Variants in TXNDC9 observed in about 807,000 individuals in gnomAD.
TXNDC9 encodes thioredoxin domain containing 9, also known as thioredoxin domain-containing protein 9.
TXNDC9 carries 7 observed loss-of-function variants against 23.0 expected under a neutral mutation model. That is an observed-to-expected ratio of 0.30 (90% CI 0.17 to 0.57). TXNDC9 has a LOEUF of 0.57. Among genes scored for constraint, TXNDC9 ranks in the 20% least tolerant of loss-of-function variants. TXNDC9 has a pLI of 0.90. For synonymous variants in TXNDC9, 72 were observed against 90.6 expected, an observed-to-expected ratio of 0.79 and a Z score of 1.17; for missense variants, 198 against 252.6, an observed-to-expected ratio of 0.78 and a Z score of 1.47.
chr2:99,308,369 G>T, the TXNDC9 span, among the ~76,000 whole-genome samples: 1 of 152,188 alleles, frequency 6.6e-6, no homozygotes, highest in Non-Finnish European at 1.5e-5. Flanking sequence ...GCTCTACACA[G>T]CATAACAGCT....
chr2:99,313,628 C>T, the TXNDC9 span, among the ~76,000 whole-genome samples: 2 of 152,028 alleles, frequency 1.3e-5, no homozygotes, highest in African/African-American at 2.4e-5. Context: ...AGAGTAAGAC[C>T]TGTCTCTTAA....
At chr2:99,327,275 T>A (rs2094214749) in intron 3 of TXNDC9, among the ~76,000 whole-genome samples, 1 of 152,194 alleles carries the variant, frequency 6.6e-6, no homozygotes, top group Admixed American at 6.5e-5. Context: ...TTTCGCCATG[T>A]TGGCCAGGCT....
rs763680635 is a variant in TXNDC9 at position 99,336,278 on chromosome 2, G to GTT, written c.-74_-73dup. ...ACGCCTGAGAAGTGAAAGAGCAGCA[G>GTT]TTTCAAAAGACACGTCCACTCCGGC... On this transcript the variant is annotated 5_prime_UTR_variant, in exon 1 of 5. Coordinates refer to ENST00000264255, the MANE Select transcript of TXNDC9 (RefSeq NM_005783.4). 3.0e-6 allele frequency: 3 copies of GTT among 985,474 alleles called. No homozygotes were observed. The highest frequency in any genetic ancestry group is 3.6e-6 in the Non-Finnish European group (3 of 829,974). 61.0% of individuals were successfully genotyped at this position (985,474 alleles called of 1,614,324 possible). A position where few individuals can be genotyped will look rare whatever the true frequency, so the allele number is the denominator to read the frequency against.
intron 4 of TXNDC9, chr2:99,321,093 TAATA>T (rs1248125320): frequency 6.6e-6 from 1 of 151,878 alleles, no homozygotes; most frequent in East Asian, 1.9e-4. Context: ...TAACTTTATT[TAATA>T]AATATTAATA....
At chr2:99,307,102 C>CTTT in the TXNDC9 span, among the ~76,000 whole-genome samples, 4 of 122,114 alleles carry the variant, frequency 3.3e-5, no homozygotes, top group East Asian at 3.7e-4. Flanking sequence ...CTCTCTCTCT[C>CTTT]CTTCTCACTC....
rs1195440496 is a variant in TXNDC9 at position 99,327,559 on chromosome 2, T to C, written c.284A>G (p.His95Arg). ...EVKESENVVC[H>R]FYRDSTFRCK... ...CCTGAATGTGGAGTCTCTGTAGAAA[T>C]GGCAAACCACATTTTCACTCTCCTT... The change falls in exon 3 of 5, where the codon CAT (histidine) becomes CGT (arginine). Residue 95 changes from histidine to arginine, a missense_variant. His to Arg is a conservative substitution (Grantham distance 29). Coordinates refer to ENST00000264255, the MANE Select transcript of TXNDC9 (RefSeq NM_005783.4). 2 of 1,613,154 alleles carry C rather than the reference T, an allele frequency of 1.2e-6. No individual in the cohort carries two copies. Among genetic ancestry groups the C allele is most frequent in the Non-Finnish European group, 1.7e-6 (2 of 1,179,510 alleles).
At chr2:99,324,346 A>G (rs934814757) in intron 3 of TXNDC9, among the ~76,000 whole-genome samples, 2 of 152,216 alleles carry the variant, frequency 1.3e-5, no homozygotes, top group Admixed American at 1.3e-4. Flanking sequence ...TGGCTCTAAC[A>G]TAAGTTATGT....
chr2:99,306,764 C>T, the TXNDC9 span: 1 of 455,422 alleles, frequency 2.2e-6, no homozygotes, highest in Admixed American at 2.4e-5. Flanking sequence ...GGGCCAGCAA[C>T]CTACGGCCCT....
At chr2:99,311,542 C>T in the TXNDC9 span, among the ~76,000 whole-genome samples, 13 of 152,330 alleles carry the variant, frequency 8.5e-5, no homozygotes, top group Middle Eastern at 6.8e-3. Flanking sequence ...AAGTGATCCT[C>T]GGCTTTGACC....
intron 3 of TXNDC9, among the ~76,000 whole-genome samples, chr2:99,323,603 A>C (rs970999745): frequency 6.7e-6 from 1 of 149,786 alleles, no homozygotes; most frequent in Non-Finnish European, 1.5e-5. Context: ...GGGCGTCATG[A>C]TGGGCACCTG....
the TXNDC9 span, among the ~76,000 whole-genome samples, chr2:99,312,370 G>A: frequency 6.6e-6 from 1 of 152,068 alleles, no homozygotes; most frequent in South Asian, 2.1e-4. Flanking sequence ...GATGGTACAT[G>A]CTTGTACTCC....
At chr2:99,308,788 T>A in the TXNDC9 span, among the ~76,000 whole-genome samples, 15 of 152,092 alleles carry the variant, frequency 9.9e-5, no homozygotes, top group Non-Finnish European at 2.1e-4. Flanking sequence ...CTTGGCTCAC[T>A]GCAAGCTCCG....
intron 2 of TXNDC9, among the ~76,000 whole-genome samples, chr2:99,330,304 A>AAAAAAAAAAAAAAC (rs2094221871): frequency 6.8e-6 from 1 of 147,738 alleles, no homozygotes; most frequent in Non-Finnish European, 1.5e-5. Flanking sequence ...AAAAAAAAAA[A>AAAAAAAAAAAAAAC]AAAAAAAAAA....
chr2:99,321,752 GT>G (rs1268529280), intron 4 of TXNDC9: 1 of 595,122 alleles, frequency 1.7e-6, no homozygotes, highest in Non-Finnish European at 2.8e-6. Context: ...TATTAAATCA[GT>G]TTAATCTGTA....
At chr2:99,313,700 G>A in the TXNDC9 span, among the ~76,000 whole-genome samples, 1 of 152,110 alleles carries the variant, frequency 6.6e-6, no homozygotes, top group Admixed American at 6.6e-5. Flanking sequence ...AAATATAGGT[G>A]GGCATACAAT....
At chr2:99,333,964 A>C (rs918753495) in intron 1 of TXNDC9, among the ~76,000 whole-genome samples, 1 of 152,248 alleles carries the variant, frequency 6.6e-6, no homozygotes, top group African/African-American at 2.4e-5. Flanking sequence ...TTCCAACATC[A>C]CTCCTCTGTG....
At chr2:99,311,868 A>T in the TXNDC9 span, among the ~76,000 whole-genome samples, 401 of 152,388 alleles carry the variant, frequency 2.6e-3, no homozygotes, top group Non-Finnish European at 4.1e-3. Flanking sequence ...TAGCCCAAGG[A>T]TGCTAATGAC....
At chr2:99,321,636 C>A (rs954099508) in intron 4 of TXNDC9, 3 of 200,258 alleles carry the variant, frequency 1.5e-5, no homozygotes, top group Non-Finnish European at 3.0e-5. Context: ...ATAGTCAACA[C>A]TGGATTGCCA....
chr2:99,331,556 T>C (rs1449721059), intron 2 of TXNDC9, among the ~76,000 whole-genome samples: 1 of 152,028 alleles, frequency 6.6e-6, no homozygotes, highest in Non-Finnish European at 1.5e-5. Context: ...AGCAGCCTAT[T>C]TTTTAAAATA....
Sources: gnomAD v4.1 joint callset for allele counts (sites outside exome capture counted in the v4.1 genomes callset) on GRCh38, gnomAD v4.1.1 for gene constraint, MANE v1.5 for transcripts, NCBI Gene and HGNC (gene_info 2026-07-23, HGNC 2026-07-21) for gene names.